Variants in ARHGAP6 observed in about 807,000 individuals in gnomAD.
The protein encoded by ARHGAP6 is Rho GTPase activating protein 6, also known as rho GTPase-activating protein 6.
In ARHGAP6, 16 loss-of-function variants were observed where a neutral mutation model predicts 55.7. The ratio of observed to expected loss-of-function variants is 0.29; its 90% CI spans 0.19 to 0.44. ARHGAP6 has a LOEUF of 0.44. ARHGAP6 is among the 20% of genes least tolerant of loss of function. The probability of loss-of-function intolerance (pLI) is 1.00; values close to 1 mark genes in which losing one functional copy is unlikely to be tolerated. For synonymous variants in ARHGAP6, 382 were observed against 360.9 expected (o/e 1.06, Z -0.66); for missense variants, 698 against 808.9 (o/e 0.86, Z 1.66).
intron 1 of ARHGAP6, chrX:11,265,558 A>G: frequency 2.4e-6 from 1 of 415,383 alleles, no homozygotes; most frequent in South Asian, 6.9e-5. Flanking sequence ...TTTAGCTGTC[A>G]CACATCTCAG....
intron 3 of ARHGAP6, among the ~76,000 whole-genome samples, chrX:11,195,610 A>T (rs752243548): frequency 9.0e-6 from 1 of 110,639 alleles, no homozygotes; most frequent in African/African-American, 3.3e-5. Context: ...GGAGCTAAAC[A>T]TGTTCATATG....
chrX:11,195,622 A>G (rs2046523613), intron 3 of ARHGAP6, among the ~76,000 whole-genome samples: 1 of 110,524 alleles, frequency 9.0e-6, no homozygotes, highest in Admixed American at 9.6e-5. Flanking sequence ...GTTCATATGG[A>G]CACAAAGAAG....
chrX:11,519,864 G>A (rs2050894348), intron 1 of ARHGAP6, among the ~76,000 whole-genome samples: 1 of 103,699 alleles, frequency 9.6e-6, no homozygotes, highest in South Asian at 4.5e-4. Context: ...TTAAACGTTA[G>A]ACCTAAAACC....
intron 1 of ARHGAP6, among the ~76,000 whole-genome samples, chrX:11,348,111 T>C (rs991009052): frequency 3.6e-5 from 4 of 112,309 alleles, no homozygotes; most frequent in Admixed American, 1.9e-4. Context: ...CTCTAGGAGA[T>C]AGTCAGTATC....
At chrX:11,294,891 G>A in intron 1 of ARHGAP6, 1 of 1,180,219 alleles carries the variant, frequency 8.5e-7, no homozygotes, top group East Asian at 3.0e-5. Flanking sequence ...TCACAAACTT[G>A]GACATAAAAA....
At position 11,196,929 on chromosome X, in the gene ARHGAP6, G is replaced by C. The variant is rs1196307948; in HGVS notation, c.816C>G (p.Asp272Glu). ...LDSLGKEKNK[D>E]KEFIPQAFGM... ...ATTGGGTACTTTACCCTTTACCTTT[G>C]TCTTTGTTTTTCTCCTTTCCTAGTG... The change falls in exon 3 of 13, where the codon GAC becomes GAG. Residue 272 changes from aspartate (D) to glutamate (E), a missense_variant. Transcript: ENST00000337414. The C allele has an allele frequency of 9.3e-7, 1 of 1,073,276 alleles. No individual in the cohort carries two copies. Among genetic ancestry groups the C allele is most frequent in the East Asian group, 3.0e-5 (1 of 33,144 alleles). 88.4% of individuals were successfully genotyped at this position (1,073,276 alleles called of 1,213,427 possible). A position where few individuals can be genotyped will look rare whatever the true frequency, so the allele number is the denominator to read the frequency against.
chrX:11,652,423 G>T (rs2052593967), intron 1 of ARHGAP6, among the ~76,000 whole-genome samples: 1 of 112,156 alleles, frequency 8.9e-6, no homozygotes, highest in African/African-American at 3.2e-5. Context: ...AATGGGTAAA[G>T]GATTCCCTGC....
At chrX:11,484,879 C>T (rs183075463) in intron 1 of ARHGAP6, among the ~76,000 whole-genome samples, 214 of 111,497 alleles carry the variant, frequency 1.9e-3, no homozygotes, top group South Asian at 0.012. Context: ...AACAGAAGCT[C>T]AAAAAGTTAC....
At chrX:11,163,788 GCATGT>G (rs1325263032) in intron 9 of ARHGAP6, among the ~76,000 whole-genome samples, 1 of 112,028 alleles carries the variant, frequency 8.9e-6, no homozygotes, top group Non-Finnish European at 1.9e-5. Flanking sequence ...ATGTCAGGCA[GCATGT>G]TTTGGCAATT....
chrX:11,660,481 C>G (rs913816704), intron 1 of ARHGAP6, among the ~76,000 whole-genome samples: 1 of 84,808 alleles, frequency 1.2e-5, no homozygotes, highest in Non-Finnish European at 2.2e-5. Context: ...GAGCTGAGAT[C>G]GTGCCACCGC....
chrX:11,250,668 C>T (rs2147478013), intron 2 of ARHGAP6, among the ~76,000 whole-genome samples: 1 of 111,603 alleles, frequency 9.0e-6, no homozygotes, highest in East Asian at 2.8e-4. Flanking sequence ...TCTGACCATG[C>T]TTCCATAGTC....
chrX:11,168,893 G>A (rs755528957), intron 9 of ARHGAP6, among the ~76,000 whole-genome samples: 7 of 112,236 alleles, frequency 6.2e-5, no homozygotes, highest in Non-Finnish European at 1.1e-4. Flanking sequence ...GCCAGATGGA[G>A]GGCTTTCCAA....
intron 1 of ARHGAP6, among the ~76,000 whole-genome samples, chrX:11,339,661 GA>G (rs1161318439): frequency 1.8e-5 from 2 of 110,891 alleles, no homozygotes; most frequent in African/African-American, 6.5e-5. Flanking sequence ...ATGATATAAT[GA>G]ATAATTAAAA....
intron 1 of ARHGAP6, among the ~76,000 whole-genome samples, chrX:11,439,962 T>C (rs749839022): frequency 6.2e-5 from 7 of 112,858 alleles, no homozygotes; most frequent in Non-Finnish European, 9.4e-5. Context: ...CTAAGTGTTA[T>C]TGGAAGCCAC....
At chrX:11,356,139 G>A (rs927052087) in intron 1 of ARHGAP6, among the ~76,000 whole-genome samples, 2 of 110,916 alleles carry the variant, frequency 1.8e-5, no homozygotes, top group Non-Finnish European at 3.8e-5. Context: ...GCTAAAGAAT[G>A]AGGAATGATT....
intron 1 of ARHGAP6, among the ~76,000 whole-genome samples, chrX:11,481,859 G>A (rs928989604): frequency 1.8e-5 from 2 of 112,201 alleles, no homozygotes; most frequent in South Asian, 7.5e-4. Context: ...TCTGAATACA[G>A]GTCCAGTATT....
chrX:11,219,732 GT>G (rs1438789818), intron 2 of ARHGAP6, among the ~76,000 whole-genome samples: 2 of 93,331 alleles, frequency 2.1e-5, no homozygotes, highest in African/African-American at 4.1e-5. Flanking sequence ...TTTTGATGGG[GT>G]TGTTTGTTTT....
intron 3 of ARHGAP6, among the ~76,000 whole-genome samples, chrX:11,189,892 C>G (rs1229824689): frequency 8.9e-6 from 1 of 112,142 alleles, no homozygotes; most frequent in East Asian, 2.8e-4. Flanking sequence ...CTGAAAGGCA[C>G]TAAATAATGT....
chrX:11,461,652 C>G (rs1223126496), intron 1 of ARHGAP6, among the ~76,000 whole-genome samples: 1 of 112,251 alleles, frequency 8.9e-6, no homozygotes, highest in Non-Finnish European at 1.9e-5. Context: ...TGCTTCTTGA[C>G]CATCACAACG....
Sources: allele counts gnomAD v4.1 joint callset (sites outside exome capture counted in the v4.1 genomes callset), GRCh38; gene constraint gnomAD v4.1.1; transcripts MANE v1.5; gene names NCBI Gene and HGNC (gene_info 2026-07-23, HGNC 2026-07-21).